Variants in CPM observed in about 807,000 individuals in gnomAD.
CPM encodes the protein carboxypeptidase M, also known as renal carboxypeptidase.
In CPM, 35 loss-of-function variants were observed where a neutral mutation model predicts 46.4. The observed-to-expected ratio is 0.75, with a 90% CI of 0.58 to 1.00. The LOEUF (loss-of-function observed/expected upper bound fraction) is 1.00. CPM is among the 50% of genes least tolerant of loss of function. The pLI is 0.00. For missense variants in CPM, 422 were observed against 530.4 expected (o/e 0.80, Z 2.01); for synonymous variants, 195 against 195.3 (o/e 1.00, Z 0.01).
chr12:68,843,215 T>A, intron 5 of CPM: 1 of 225,272 alleles, frequency 4.4e-6, no homozygotes, highest in Non-Finnish European at 8.8e-6. Context: ...AGGAATAAGT[T>A]CTAGCTGAAG....
At chr12:68,933,104 C>T (rs960700221) in intron 1 of CPM, 38 bp downstream of exon 1, 5 of 365,930 alleles carry the variant, frequency 1.4e-5, no homozygotes, top group Non-Finnish European at 2.0e-5. Flanking sequence ...CCGGCAGCTG[C>T]CACAGCTGCG....
At chr12:68,962,016 C>A (rs550135342) in intron 1 of CPM, among the ~76,000 whole-genome samples, 8 of 151,924 alleles carry the variant, frequency 5.3e-5, no homozygotes, top group Non-Finnish European at 1.2e-4. Flanking sequence ...CTGGCTAACG[C>A]GGTGAAACCC....
intron 2 of CPM, among the ~76,000 whole-genome samples, chr12:68,931,379 C>G (rs1041009413): frequency 9.9e-5 from 15 of 151,990 alleles, no homozygotes; most frequent in Non-Finnish European, 1.9e-4. Flanking sequence ...ATTTATGAAA[C>G]TTTTGATTTA....
chr12:68,872,087 A>G (rs1885726668), intron 3 of CPM, 131 bp from the exon 4 acceptor site: 1 of 898,300 alleles, frequency 1.1e-6, no homozygotes, highest in Admixed American at 2.5e-5. Flanking sequence ...TTGTAAGATC[A>G]CTCTTTCTCA....
chr12:68,950,038 T>G (rs956026476), intron 1 of CPM, among the ~76,000 whole-genome samples: 2 of 152,082 alleles, frequency 1.3e-5, no homozygotes, highest in Non-Finnish European at 2.9e-5. Context: ...GAGGATGCAG[T>G]GTGCTTGGGC....
intron 7 of CPM, among the ~76,000 whole-genome samples, chr12:68,859,575 G>C (rs917078840): frequency 3.3e-5 from 5 of 152,172 alleles, no homozygotes; most frequent in African/African-American, 1.2e-4. Flanking sequence ...GCCAGTAACA[G>C]CAGCCAATAT....
intron 1 of CPM, among the ~76,000 whole-genome samples, chr12:68,955,600 G>A (rs1441306500): frequency 6.6e-6 from 1 of 152,146 alleles, no homozygotes; most frequent in Admixed American, 6.5e-5. Flanking sequence ...GAAAGAATGA[G>A]GTACTCAAAC....
At chr12:68,890,267 A>G (rs968533170) in intron 2 of CPM, among the ~76,000 whole-genome samples, 2 of 152,118 alleles carry the variant, frequency 1.3e-5, no homozygotes, top group Admixed American at 1.3e-4. Context: ...GCATCCCTAC[A>G]GGATTGAAAA....
intron 5 of CPM, chr12:68,842,386 A>G (rs1301270871): frequency 2.0e-6 from 1 of 492,978 alleles, no homozygotes; most frequent in African/African-American, 1.9e-5. Flanking sequence ...GAGGTTTCCT[A>G]AAAATCTCAT....
intron 3 of CPM, among the ~76,000 whole-genome samples, chr12:68,882,250 C>T (rs933098642): frequency 6.6e-6 from 1 of 152,030 alleles, no homozygotes; most frequent in Non-Finnish European, 1.5e-5. Context: ...CACCCTCCAT[C>T]CTCAAGTAGA....
intron 1 of CPM, among the ~76,000 whole-genome samples, chr12:68,954,041 T>C (rs1395048970): frequency 1.3e-5 from 2 of 152,204 alleles, no homozygotes; most frequent in Non-Finnish European, 2.9e-5. Context: ...AGTTATTCCT[T>C]CATGATGTCT....
At chr12:68,963,458 G>A (rs1889155602), upstream of CPM, among the ~76,000 whole-genome samples, 1 of 152,106 alleles carries the variant, frequency 6.6e-6, no homozygotes. Flanking sequence ...TCTCCTACTA[G>A]TCTGCCTTTT....
At chr12:68,849,626 C>G (rs547984862), downstream of CPM, 1 of 151,556 alleles carries the variant, frequency 6.6e-6, no homozygotes, top group South Asian at 2.1e-4. Flanking sequence ...GCCTTGAACT[C>G]CTGACCTTGT....
intron 1 of CPM, among the ~76,000 whole-genome samples, chr12:68,940,453 T>TC (rs906075920): frequency 1.0e-4 from 15 of 149,652 alleles, no homozygotes; most frequent in African/African-American, 3.5e-4. Flanking sequence ...CCTCTCTCCC[T>TC]CCCCCAGATT....
intron 8 of CPM, among the ~76,000 whole-genome samples, chr12:68,857,183 T>C (rs988580754): frequency 6.6e-6 from 1 of 150,490 alleles, no homozygotes; most frequent in Non-Finnish European, 1.5e-5. Context: ...TTTTTTGAGA[T>C]AGAGTCTTGC....
chr12:68,925,206 A>G (rs1351475048), intron 2 of CPM, among the ~76,000 whole-genome samples: 5 of 152,338 alleles, frequency 3.3e-5, no homozygotes, highest in African/African-American at 1.2e-4. Context: ...ATAAATCAAC[A>G]CAATCTTTTT....
At chr12:68,955,452 G>A (rs567222292) in intron 1 of CPM, among the ~76,000 whole-genome samples, 15 of 151,978 alleles carry the variant, frequency 9.9e-5, no homozygotes, top group African/African-American at 2.4e-4. Context: ...CCAAAGGGCC[G>A]CAGCTCTTCT....
upstream of CPM, among the ~76,000 whole-genome samples, chr12:68,934,059 CT>C (rs1008246381): frequency 3.3e-5 from 5 of 152,116 alleles, no homozygotes; most frequent in African/African-American, 1.2e-4. Context: ...GGCCAACCCC[CT>C]CTACCTCTCT....
chr12:68,926,030 C>A (rs1249342420), intron 2 of CPM, among the ~76,000 whole-genome samples: 1 of 152,160 alleles, frequency 6.6e-6, no homozygotes, highest in Non-Finnish European at 1.5e-5. Context: ...AATCCTCCCA[C>A]CTCAGCCTCC....
Sources: allele counts gnomAD v4.1 joint callset (sites outside exome capture counted in the v4.1 genomes callset), GRCh38; gene constraint gnomAD v4.1.1; transcripts MANE v1.5; gene names NCBI Gene and HGNC (gene_info 2026-07-23, HGNC 2026-07-21).